NFASC: variants seen among roughly 807,000 people sequenced by gnomAD.
NFASC encodes the protein neurofascin homolog.
NFASC carries 43 observed loss-of-function variants against 147.5 expected under a neutral mutation model. That is an observed-to-expected ratio of 0.29 (90% confidence interval 0.23 to 0.38). NFASC has a LOEUF of 0.38. Among genes scored for constraint, NFASC ranks in the 10% least tolerant of loss-of-function variants. NFASC has a pLI of 1.00. For synonymous variants in NFASC, 622 were observed against 665.5 expected (o/e 0.93, Z 1.01); for missense variants, 1,320 against 1,689.0 (o/e 0.78, Z 3.83).
chr1:204,970,218 C>T (rs1346479205), intron 10 of NFASC, among the ~76,000 whole-genome samples: 1 of 152,166 alleles, frequency 6.6e-6, no homozygotes, highest in African/African-American at 2.4e-5. Context: ...TTACCACCTT[C>T]CCTAGCAGTG....
rs1173530158 is a variant in NFASC at position 205,021,525 on chromosome 1, C to CA, written c.*4987dup. On this transcript the variant is annotated 3_prime_UTR_variant, in exon 30 of 30. Coordinates refer to ENST00000339876, the MANE Select transcript of NFASC (RefSeq NM_001005388.3). ...GATCTCATTGAAATGATCTATCGTA[C>CA]AGACAAGGATATGCAAATCCACAGA... 2 of 152,864 alleles carry CA rather than the reference C, an allele frequency of 1.3e-5. No homozygotes were observed. Among genetic ancestry groups the CA allele is most frequent in the Non-Finnish European group, 2.9e-5 (2 of 68,048 alleles). 9.5% of individuals were successfully genotyped at this position (152,864 alleles called of 1,614,324 possible).
intron 1 of NFASC, among the ~76,000 whole-genome samples, chr1:204,835,660 A>G (rs114870350): frequency 1.8e-3 from 280 of 152,264 alleles, no homozygotes; most frequent in African/African-American, 6.4e-3. Context: ...TGGTGGGTGC[A>G]TGTAATTCAG....
intron 1 of NFASC, chr1:204,870,566 T>A (rs909920349): frequency 3.1e-5 from 20 of 644,408 alleles, no homozygotes; most frequent in Admixed American, 5.8e-5. Flanking sequence ...TTGGGGAGCC[T>A]GGCCCGGCCT....
At chr1:204,871,321 T>C (rs2077651001) in intron 1 of NFASC, among the ~76,000 whole-genome samples, 2 of 152,126 alleles carry the variant, frequency 1.3e-5, no homozygotes, top group African/African-American at 4.8e-5. Flanking sequence ...TGGTCTCCTG[T>C]CCTAAATGAG....
Position 205,016,018 on chromosome 1 carries a change from C to T in NFASC, c.3492-290C>T, listed in dbSNP as rs1412415224. Among the ~76,000 whole-genome samples the T allele has an allele frequency of 6.6e-6, 1 of 152,164 alleles. No homozygotes were observed. The highest frequency in any genetic ancestry group is 2.4e-5 in the African/African-American group (1 of 41,454). Reference sequence around the variant, plus strand: ...GTGGCCATCCTCTGTCCACTTCCACCACACACAGGGACCCAATCTCATGGA... The same window carrying T: ...GTGGCCATCCTCTGTCCACTTCCACTACACACAGGGACCCAATCTCATGGA... On this transcript the variant is annotated intron_variant, in intron 29 of 29. Coordinates refer to ENST00000339876, the MANE Select transcript of NFASC (RefSeq NM_001005388.3). This position sits in a 1 kb window ranked among gnomAD's most constrained non-coding sequence, Gnocchi z 5.1.
At chr1:204,988,207 C>A (rs2095654695) in intron 22 of NFASC, among the ~76,000 whole-genome samples, 1 of 152,220 alleles carries the variant, frequency 6.6e-6, no homozygotes, top group South Asian at 2.1e-4. Context: ...GATCTCTGGA[C>A]CAGACCCTTT....
At chr1:204,898,889 G>GA (rs1303038100) in intron 1 of NFASC, among the ~76,000 whole-genome samples, 1 of 152,230 alleles carries the variant, frequency 6.6e-6, no homozygotes, top group Non-Finnish European at 1.5e-5. Flanking sequence ...GAGGTTAAAT[G>GA]AGGAGATAGG....
chr1:204,934,931 G>A (rs1242622970), intron 2 of NFASC, among the ~76,000 whole-genome samples: 2 of 152,222 alleles, frequency 1.3e-5, no homozygotes, highest in South Asian at 2.1e-4. Flanking sequence ...CAGTAAATAT[G>A]CACTAGAGTT....
At chr1:204,898,154 A>AT (rs2083765040) in intron 1 of NFASC, among the ~76,000 whole-genome samples, 1 of 152,220 alleles carries the variant, frequency 6.6e-6, no homozygotes, top group Non-Finnish European at 1.5e-5. Flanking sequence ...GAGTGCTGGG[A>AT]TTACAAGTGT....
chr1:204,849,336 C>T (rs2075457534), intron 1 of NFASC, among the ~76,000 whole-genome samples: 1 of 152,196 alleles, frequency 6.6e-6, no homozygotes, highest in African/African-American at 2.4e-5. Context: ...TCTCCTTATC[C>T]AGGCTGGGAT....
At chr1:204,911,592 C>A (rs1028948232) in intron 1 of NFASC, among the ~76,000 whole-genome samples, 2 of 152,000 alleles carry the variant, frequency 1.3e-5, no homozygotes, top group Non-Finnish European at 2.9e-5. Flanking sequence ...GTTTCATCTT[C>A]TTTTTAAATG....
At chr1:205,000,985 C>T (rs1320861251) in intron 25 of NFASC, 185 bp from the exon 26 acceptor site, 4 of 618,308 alleles carry the variant, frequency 6.5e-6, no homozygotes, top group Admixed American at 4.6e-5. Context: ...CAGCTTGGAG[C>T]TCTGTCAGGC....
chr1:205,016,588 G>C lies in NFASC; in HGVS notation c.*49G>C, dbSNP rs2096364288. 1 of 1,399,254 alleles carries C rather than the reference G, an allele frequency of 7.1e-7. No individual in the cohort carries two copies. The highest frequency in any genetic ancestry group is 1.0e-6 in the Non-Finnish European group (1 of 986,594). 86.7% of individuals were successfully genotyped at this position (1,399,254 alleles called of 1,614,324 possible). A position where few individuals can be genotyped will look rare whatever the true frequency, so the allele number is the denominator to read the frequency against. On this transcript the variant is annotated 3_prime_UTR_variant, in exon 30 of 30. Coordinates refer to ENST00000339876, the MANE Select transcript of NFASC (RefSeq NM_001005388.3). The surrounding 1 kb of genome is among the most constrained non-coding windows in gnomAD (Gnocchi z 5.1). ...CCACTTTGCAAGTGGGAGGAGGGGA[G>C]AAGGGGAGACAAAACCACTGCAGAC...
intron 1 of NFASC, among the ~76,000 whole-genome samples, chr1:204,896,006 T>C (rs2083313056): frequency 6.6e-6 from 1 of 152,184 alleles, no homozygotes. Context: ...GTCCAATCTA[T>C]TGGATTCCTT....
chr1:204,936,198 C>CTTTTTTTTTTTTTTTTTTTTTTTTTT (rs749844237), intron 2 of NFASC, among the ~76,000 whole-genome samples: 1 of 71,880 alleles, frequency 1.4e-5, no homozygotes. Flanking sequence ...CTCTCTCTTT[C>CTTTTTTTTTTTTTTTTTTTTTTTTTT]TTTTTCTTTT....
At chr1:204,997,033 C>A (rs2095859036) in intron 24 of NFASC, 137 bp from the exon 25 acceptor site, 1 of 1,355,884 alleles carries the variant, frequency 7.4e-7, no homozygotes, top group East Asian at 2.4e-5. Context: ...CTGACCCAGT[C>A]CGTTATGCTT....
At chr1:204,974,354 C>G in intron 13 of NFASC, 64 bp downstream of exon 13, 1 of 1,297,472 alleles carries the variant, frequency 7.7e-7, no homozygotes, top group Non-Finnish European at 1.1e-6. Context: ...TCCTTCCCAT[C>G]TGGCCCATAG....
At chr1:204,906,866 G>A (rs968372974) in intron 1 of NFASC, among the ~76,000 whole-genome samples, 3 of 152,080 alleles carry the variant, frequency 2.0e-5, no homozygotes, top group African/African-American at 7.2e-5. Context: ...TGTATTTTTA[G>A]TAGAGACGGG....
intron 28 of NFASC, among the ~76,000 whole-genome samples, chr1:205,011,213 C>CCA (rs1553328300): frequency 1.3e-5 from 2 of 151,730 alleles, no homozygotes; most frequent in South Asian, 4.2e-4. Context: ...CAGGACCCCC[C>CCA]CCAAAACTCA....
Sources: gnomAD v4.1 joint callset for allele counts (sites outside exome capture counted in the v4.1 genomes callset) on GRCh38, gnomAD v4.1.1 for gene constraint, Gnocchi (gnomAD v3.1) non-coding constraint, MANE v1.5 for transcripts, NCBI Gene and HGNC (gene_info 2026-07-23, HGNC 2026-07-21) for gene names.